PDE1C: variants seen among roughly 807,000 people sequenced by gnomAD.
The protein encoded by PDE1C is phosphodiesterase 1C, also known as dual specificity calcium/calmodulin-dependent 3',5'-cyclic nucleotide phosphodiesterase 1C.
Under a neutral mutation model 93.1 loss-of-function variants are expected in PDE1C, and 62 were observed. The ratio of observed to expected loss-of-function variants is 0.67; its 90% CI spans 0.54 to 0.82. PDE1C has a LOEUF of 0.82. Among genes scored for constraint, PDE1C ranks in the 40% least tolerant of loss-of-function variants. The pLI, the probability that PDE1C is intolerant of heterozygous loss-of-function variation, is 0.00. For synonymous variants in PDE1C, 325 were observed against 310.1 expected, an observed-to-expected ratio of 1.05 and a Z score of -0.50; for missense variants, 742 against 884.6, an observed-to-expected ratio of 0.84 and a Z score of 2.04.
chr7:31,841,513 T>C (rs1791896942), intron 9 of PDE1C, among the ~76,000 whole-genome samples: 2 of 152,142 alleles, frequency 1.3e-5, no homozygotes, highest in African/African-American at 2.4e-5. Flanking sequence ...TTTTCACACA[T>C]GCACTTTATC....
At chr7:32,069,535 G>C (rs970017735) in intron 1 of PDE1C, among the ~76,000 whole-genome samples, 5 of 152,080 alleles carry the variant, frequency 3.3e-5, no homozygotes, top group African/African-American at 1.2e-4. Context: ...TGACTGGAGT[G>C]ACCAGCAGTT....
chr7:32,101,792 A>G (rs1798050964), intron 3 of PDE1C, among the ~76,000 whole-genome samples: 1 of 152,202 alleles, frequency 6.6e-6, no homozygotes, highest in Non-Finnish European at 1.5e-5. Context: ...AAATTGGTAC[A>G]AAGTAGTGGG....
At chr7:32,025,969 T>C (rs1789374001) in intron 2 of PDE1C, among the ~76,000 whole-genome samples, 2 of 152,102 alleles carry the variant, frequency 1.3e-5, no homozygotes, top group South Asian at 4.1e-4. Flanking sequence ...ATGAGGCCCC[T>C]CTACCTGACA....
At chr7:32,176,993 C>T (rs1803040837) in intron 2 of PDE1C, among the ~76,000 whole-genome samples, 1 of 152,062 alleles carries the variant, frequency 6.6e-6, no homozygotes, top group South Asian at 2.1e-4. Flanking sequence ...TGAATGAATT[C>T]ATAAATGATA....
chr7:31,911,633 C>A (rs1801260790), intron 2 of PDE1C, among the ~76,000 whole-genome samples: 1 of 152,130 alleles, frequency 6.6e-6, no homozygotes, highest in South Asian at 2.1e-4. Flanking sequence ...CCCTTTGGGT[C>A]CCTCTAGAAT....
At chr7:31,940,454 T>A (rs763105088) in intron 2 of PDE1C, among the ~76,000 whole-genome samples, 5 of 152,158 alleles carry the variant, frequency 3.3e-5, no homozygotes, top group African/African-American at 4.8e-5. Flanking sequence ...TCTTTTAGGC[T>A]AGAAGAAAAC....
At chr7:32,202,488 T>C (rs772639487) in intron 2 of PDE1C, among the ~76,000 whole-genome samples, 1 of 152,252 alleles carries the variant, frequency 6.6e-6, no homozygotes, top group Non-Finnish European at 1.5e-5. Flanking sequence ...TGGTGAGCAC[T>C]GGACTGGATC....
chr7:32,147,019 G>A (rs1800877397), intron 3 of PDE1C, among the ~76,000 whole-genome samples: 1 of 151,882 alleles, frequency 6.6e-6, no homozygotes, highest in Non-Finnish European at 1.5e-5. Context: ...ACTTCAAGAT[G>A]CAAGTACAAA....
chr7:32,264,287 A>G (rs955853540), intron 1 of PDE1C, among the ~76,000 whole-genome samples: 33 of 152,230 alleles, frequency 2.2e-4, no homozygotes, highest in African/African-American at 7.5e-4. Context: ...ACAGAACCCA[A>G]TATTTATCAA....
At position 32,313,309 on chromosome 7, in the gene PDE1C, C is replaced by A. The variant is rs552902532; in HGVS notation, c.311-103770G>T. Among the ~76,000 whole-genome samples the A allele has an allele frequency of 4.4e-4, 66 of 149,724 alleles. No individual in the cohort carries two copies. The East Asian group carries it at 0.011, about 26-fold the overall frequency. Reference sequence around the variant, plus strand: ...GAACACTTTTACACTGTTGGTGGGACTGTAAACTAGTTCAACCATGTGGAA... The same window carrying A: ...GAACACTTTTACACTGTTGGTGGGAATGTAAACTAGTTCAACCATGTGGAA... On this transcript the variant is annotated intron_variant, in intron 1 of 1. Coordinates refer to the PDE1C transcript ENST00000672256.
chr7:32,202,388 G>A (rs992822657), intron 2 of PDE1C, among the ~76,000 whole-genome samples: 4 of 152,218 alleles, frequency 2.6e-5, no homozygotes, highest in Admixed American at 1.3e-4. Flanking sequence ...CCAGGACACA[G>A]TGAATATTCC....
intron 1 of PDE1C, among the ~76,000 whole-genome samples, chr7:32,399,094 A>G (rs73305839): frequency 2.0e-5 from 3 of 152,196 alleles, no homozygotes; most frequent in Non-Finnish European, 4.4e-5. Context: ...ACAGTGAACT[A>G]TGTCACTATT....
chr7:32,128,073 T>C (rs1339860273), intron 3 of PDE1C, among the ~76,000 whole-genome samples: 1 of 151,830 alleles, frequency 6.6e-6, no homozygotes, highest in East Asian at 1.9e-4. Flanking sequence ...AGAAGTAAAC[T>C]TTAGAATTTA....
intron 8 of PDE1C, 144 bp downstream of exon 8, chr7:31,850,497 C>A: frequency 1.6e-6 from 1 of 635,546 alleles, no homozygotes; most frequent in Non-Finnish European, 2.9e-6. Context: ...GCTGATCAGA[C>A]TGATCTCTCA....
At chr7:32,265,136 G>A (rs1172913714) in intron 1 of PDE1C, among the ~76,000 whole-genome samples, 1 of 152,190 alleles carries the variant, frequency 6.6e-6, no homozygotes, top group Non-Finnish European at 1.5e-5. Context: ...GTAGCAAAAG[G>A]GAAGGGAATT....
At chr7:31,660,881 A>G in the PDE1C span, among the ~76,000 whole-genome samples, 9 of 150,998 alleles carry the variant, frequency 6.0e-5, no homozygotes, top group Admixed American at 3.3e-4. Flanking sequence ...TATATAATAT[A>G]CACATATGTA....
chr7:31,861,213 A>G (rs1182842335), intron 7 of PDE1C, among the ~76,000 whole-genome samples: 1 of 152,064 alleles, frequency 6.6e-6, no homozygotes, highest in Non-Finnish European at 1.5e-5. Flanking sequence ...CCATGGCCCC[A>G]AACTCCCTTG....
chr7:32,300,672 C>T (rs1037697478), upstream of PDE1C, among the ~76,000 whole-genome samples: 2 of 152,196 alleles, frequency 1.3e-5, no homozygotes, highest in African/African-American at 4.8e-5. Flanking sequence ...CAATCACTAG[C>T]TGACTCCCAG....
intron 5 of PDE1C, among the ~76,000 whole-genome samples, chr7:31,875,834 T>TATATAA (rs1796512695): frequency 7.8e-6 from 1 of 127,930 alleles, no homozygotes; most frequent in Non-Finnish European, 1.6e-5. Context: ...TATATATATA[T>TATATAA]AATGGAAAAA....
Sources: gnomAD v4.1 joint callset for allele counts (sites outside exome capture counted in the v4.1 genomes callset) on GRCh38, gnomAD v4.1.1 for gene constraint, MANE v1.5 for transcripts, NCBI Gene and HGNC (gene_info 2026-07-23, HGNC 2026-07-21) for gene names.